The following MPP1 variants were observed in gnomAD, a reference collection of about 807,000 sequenced individuals.
MPP1 encodes MAGUK p55 scaffold protein 1.
MPP1 carries 6 observed loss-of-function variants against 38.2 expected under a neutral mutation model. The ratio of observed to expected loss-of-function variants is 0.16; its 90% CI spans 0.09 to 0.31. The LOEUF (loss-of-function observed/expected upper bound fraction) is 0.31, where lower values mean the gene tolerates loss of function less well. Ranked by LOEUF, MPP1 falls within the 10% of genes least tolerant of loss-of-function variation. The pLI, the probability that MPP1 is intolerant of heterozygous loss-of-function variation, is 1.00. For missense variants in MPP1, 293 were observed against 368.9 expected, an observed-to-expected ratio of 0.79 and a Z score of 1.69; for synonymous variants, 153 against 146.3, an observed-to-expected ratio of 1.05 and a Z score of -0.33.
At chrX:154,787,101 A>AACACACACAC (rs59779466) in intron 5 of MPP1, among the ~76,000 whole-genome samples, 3 of 82,891 alleles carry the variant, frequency 3.6e-5, no homozygotes, top group Admixed American at 1.3e-4. Flanking sequence ...CCTGCTCCCA[A>AACACACACAC]ACACACACAC....
At chrX:154,801,802 A>T (rs1164490852) in intron 1 of MPP1, among the ~76,000 whole-genome samples, 2 of 104,246 alleles carry the variant, frequency 1.9e-5, no homozygotes, top group African/African-American at 7.0e-5. Flanking sequence ...AACAGAAAAA[A>T]GTCATGAAGT....
intron 7 of MPP1, chrX:154,784,705 C>T (rs781998062): frequency 1.2e-4 from 34 of 295,441 alleles, no homozygotes; most frequent in Middle Eastern, 2.1e-3. Context: ...AAATTTAAAA[C>T]GCTAGGGAGG....
intron 1 of MPP1, chrX:154,804,929 A>C: frequency 2.6e-6 from 1 of 378,688 alleles, no homozygotes; most frequent in Non-Finnish European, 5.0e-6. Context: ...ACAACCAGGC[A>C]GACCTACTCC....
chrX:154,792,213 C>T lies in MPP1; in HGVS notation c.175G>A (p.Ala59Thr). 1 of 1,211,886 alleles carries T rather than the reference C, an allele frequency of 8.3e-7. No homozygotes were observed. The highest frequency in any genetic ancestry group is 1.1e-6 in the Non-Finnish European group (1 of 895,451). ...CGCACCTCCTGTCCCTTGACCTGGG[C>T]AGGGCTACCTGGGGCAGGAGACCCG... The part of the protein sequence containing the change: ...TNGSPAPGSP[A>T]QVKGQEVRKV... Residue 59 changes from alanine to threonine, a missense_variant, in exon 2 of 12, where the codon GCC becomes ACC. Transcript: ENST00000369534.
chrX:154,783,072 T>C (rs782616613), intron 9 of MPP1: 1 of 113,825 alleles, frequency 8.8e-6, no homozygotes, highest in African/African-American at 3.2e-5. Flanking sequence ...AAGAGTGGGA[T>C]AGTTCTCAAA....
chrX:154,801,327 T>C (rs2072258960), intron 1 of MPP1, among the ~76,000 whole-genome samples: 1 of 112,315 alleles, frequency 8.9e-6, no homozygotes. Flanking sequence ...TATTCTATTA[T>C]ACTTCAGTGT....
At chrX:154,804,447 T>C (rs1557268954) in intron 1 of MPP1, among the ~76,000 whole-genome samples, 1 of 111,163 alleles carries the variant, frequency 9.0e-6, no homozygotes. Flanking sequence ...TCTGGACATT[T>C]TCCCCTTGGG....
At chrX:154,799,576 T>C (rs1414255898) in intron 1 of MPP1, among the ~76,000 whole-genome samples, 1 of 112,744 alleles carries the variant, frequency 8.9e-6, no homozygotes, top group Non-Finnish European at 1.9e-5. Context: ...AGAGTTCAGT[T>C]CACAACCTCC....
intron 1 of MPP1, among the ~76,000 whole-genome samples, chrX:154,803,374 A>G (rs1463271498): frequency 8.9e-6 from 1 of 112,345 alleles, no homozygotes. Flanking sequence ...CGTTAGTAAA[A>G]ACCAAACAAA....
chrX:154,781,019 GGTTT>G (rs1764128125), intron 11 of MPP1, among the ~76,000 whole-genome samples: 1 of 111,983 alleles, frequency 8.9e-6, no homozygotes, highest in Non-Finnish European at 1.9e-5. Flanking sequence ...GACTGGGTCT[GGTTT>G]GTTTTGTCCC....
At chrX:154,781,396 T>C in intron 10 of MPP1, 83 bp from the exon 11 acceptor site, 1 of 847,083 alleles carries the variant, frequency 1.2e-6, no homozygotes, top group South Asian at 2.3e-5. Context: ...ATAGCTGTCA[T>C]AATGGATTCC....
At position 154,784,091 on chromosome X, in the gene MPP1, C is replaced by T. The variant is rs782152401; in HGVS notation, c.802G>A (p.Val268Ile). The change falls in exon 8 of 12, where the codon GTT (valine) becomes ATT (isoleucine). Residue 268 changes from valine to isoleucine, a missense_variant. Transcript: ENST00000369534. ...KHSSIFDQLDVVSYEEVVRLP... is the reference protein window; with the variant it reads ...KHSSIFDQLDIVSYEEVVRLP... ...CGAACGACTTCCTCGTAGGAAACAA[C>T]ATCCAACTGATCAAAAACTAGAGAC... 3.3e-6 allele frequency: 4 copies of T among 1,208,712 alleles called. No homozygotes were observed. Among genetic ancestry groups the T allele is most frequent in the Non-Finnish European group, 4.5e-6 (4 of 893,649 alleles).
intron 1 of MPP1, among the ~76,000 whole-genome samples, chrX:154,802,792 A>G (rs1557268838): frequency 8.9e-6 from 1 of 112,644 alleles, no homozygotes; most frequent in Non-Finnish European, 1.9e-5. Context: ...TTCAGTATTA[A>G]ATGTGGATTA....
intron 1 of MPP1, among the ~76,000 whole-genome samples, chrX:154,795,275 C>T (rs782634940): frequency 1.3e-4 from 15 of 111,789 alleles, no homozygotes; most frequent in African/African-American, 4.6e-4. Flanking sequence ...GCTGTTATAA[C>T]AAAATTGTCT....
intron 6 of MPP1, among the ~76,000 whole-genome samples, chrX:154,785,908 G>A (rs1278110153): frequency 8.9e-6 from 1 of 112,307 alleles, no homozygotes; most frequent in African/African-American, 3.2e-5. Context: ...TGGGAAACAG[G>A]AGACCAGGGA....
intron 3 of MPP1, among the ~76,000 whole-genome samples, chrX:154,791,369 A>C (rs2072139924): frequency 8.9e-6 from 1 of 112,144 alleles, no homozygotes; most frequent in Non-Finnish European, 1.9e-5. Flanking sequence ...AAAGCAAGGC[A>C]AAGAACTCAG....
intron 4 of MPP1, 85 bp from the exon 5 acceptor site, chrX:154,790,107 C>G (rs987747980): frequency 7.1e-6 from 4 of 567,279 alleles, no homozygotes; most frequent in Admixed American, 6.8e-5. Flanking sequence ...GTTTTTTTCC[C>G]CAACAACCAT....
chrX:154,787,101 A>AACACACACACAC (rs59779466), intron 5 of MPP1, among the ~76,000 whole-genome samples: 3 of 82,892 alleles, frequency 3.6e-5, no homozygotes, highest in Non-Finnish European at 6.9e-5. Context: ...CCTGCTCCCA[A>AACACACACACAC]ACACACACAC....
chrX:154,794,091 G>C (rs1184259573), intron 1 of MPP1, among the ~76,000 whole-genome samples: 1 of 111,672 alleles, frequency 9.0e-6, no homozygotes, highest in Non-Finnish European at 1.9e-5. Flanking sequence ...TTTTTGGCAG[G>C]AATTCCAGGA....
Sources: gnomAD v4.1 joint callset for allele counts (sites outside exome capture counted in the v4.1 genomes callset) on GRCh38, gnomAD v4.1.1 for gene constraint, MANE v1.5 for transcripts, NCBI Gene and HGNC (gene_info 2026-07-23, HGNC 2026-07-21) for gene names.